CDH13: variants seen among roughly 807,000 people sequenced by gnomAD.
The protein encoded by CDH13 is cadherin-13.
CDH13 carries 24 observed loss-of-function variants against 63.8 expected under a neutral mutation model. That is an observed-to-expected ratio of 0.38 (90% CI 0.27 to 0.53). The LOEUF (loss-of-function observed/expected upper bound fraction) is 0.53, where lower values mean the gene tolerates loss of function less well. Ranked by LOEUF, CDH13 falls within the 20% of genes least tolerant of loss-of-function variation. CDH13 has a pLI of 0.85. For missense variants in CDH13, 1,049 were observed against 903.1 expected, an observed-to-expected ratio of 1.16 and a Z score of -2.07; for synonymous variants, 503 against 355.3, an observed-to-expected ratio of 1.42 and a Z score of -4.67.
At chr16:83,295,984 A>G (rs1250063365) in intron 5 of CDH13, among the ~76,000 whole-genome samples, 1 of 152,192 alleles carries the variant, frequency 6.6e-6, no homozygotes, top group Non-Finnish European at 1.5e-5. Context: ...TTAAAATTGT[A>G]TCTTTATGAG....
intron 1 of CDH13, among the ~76,000 whole-genome samples, chr16:82,745,110 C>G (rs924232996): frequency 1.3e-5 from 2 of 152,168 alleles, no homozygotes; most frequent in African/African-American, 4.8e-5. Flanking sequence ...TCAGAGTCTA[C>G]AAGTTAATCT....
chr16:83,276,126 G>C (rs1278200037), intron 5 of CDH13, among the ~76,000 whole-genome samples: 1 of 152,064 alleles, frequency 6.6e-6, no homozygotes, highest in Non-Finnish European at 1.5e-5. Flanking sequence ...GTTCAAACTC[G>C]CCCCACACTC....
intron 7 of CDH13, among the ~76,000 whole-genome samples, chr16:83,561,915 T>C (rs1325546817): frequency 6.6e-6 from 1 of 152,174 alleles, no homozygotes; most frequent in Non-Finnish European, 1.5e-5. Flanking sequence ...GATTCAGATG[T>C]CCAAAGGATG....
intron 1 of CDH13, among the ~76,000 whole-genome samples, chr16:82,718,943 C>T (rs751831544): frequency 6.6e-6 from 1 of 152,110 alleles, no homozygotes; most frequent in Non-Finnish European, 1.5e-5. Context: ...ACCTGAGAGC[C>T]ATTTGGTGCG....
intron 3 of CDH13, among the ~76,000 whole-genome samples, chr16:83,094,220 C>T (rs978404721): frequency 7.2e-5 from 11 of 152,274 alleles, no homozygotes; most frequent in South Asian, 2.1e-4. Context: ...CTGTGCTGCA[C>T]GTGAAGATAT....
At chr16:83,010,631 A>G (rs1278134908) in intron 2 of CDH13, among the ~76,000 whole-genome samples, 2 of 152,166 alleles carry the variant, frequency 1.3e-5, no homozygotes, top group African/African-American at 2.4e-5. Context: ...ATTTTCAGAA[A>G]TACCTCCTTG....
chr16:83,063,328 C>T (rs1319662392), intron 3 of CDH13, among the ~76,000 whole-genome samples: 1 of 152,072 alleles, frequency 6.6e-6, no homozygotes, highest in African/African-American at 2.4e-5. Flanking sequence ...CTCTTGAGGC[C>T]CAGCCCCAGA....
At chr16:83,160,924 G>C (rs375817297) in intron 4 of CDH13, among the ~76,000 whole-genome samples, 1 of 152,134 alleles carries the variant, frequency 6.6e-6, no homozygotes, top group Non-Finnish European at 1.5e-5. Context: ...TCCGTTACTG[G>C]GACTTGATAC....
intron 6 of CDH13, among the ~76,000 whole-genome samples, chr16:83,415,130 TG>T (rs765194094): frequency 7.3e-5 from 11 of 151,714 alleles, no homozygotes; most frequent in Admixed American, 3.9e-4. Context: ...GAGACCCCTA[TG>T]AACAGTTCCC....
intron 5 of CDH13, among the ~76,000 whole-genome samples, chr16:83,242,134 C>G (rs1372383461): frequency 2.0e-5 from 3 of 152,164 alleles, no homozygotes; most frequent in African/African-American, 4.8e-5. Flanking sequence ...AATAATTCAG[C>G]CATATACATA....
chr16:82,884,474 T>C, intron 2 of CDH13: 1 of 275,084 alleles, frequency 3.6e-6, no homozygotes, highest in South Asian at 4.1e-5. Context: ...AATTTTCAAG[T>C]CCTTGGAGGC....
chr16:83,378,302 C>G (rs1047923863), intron 6 of CDH13, among the ~76,000 whole-genome samples: 2 of 152,178 alleles, frequency 1.3e-5, no homozygotes, highest in African/African-American at 4.8e-5. Context: ...AGAGCTGTAA[C>G]TTACACCTGA....
At chr16:83,487,657 A>G (rs1359425522) in intron 7 of CDH13, among the ~76,000 whole-genome samples, 2 of 152,094 alleles carry the variant, frequency 1.3e-5, no homozygotes, top group Admixed American at 1.3e-4. Flanking sequence ...ACCTGCTACC[A>G]TTCTGGAATT....
chr16:83,212,412 G>C (rs985111905), intron 4 of CDH13, among the ~76,000 whole-genome samples: 6 of 151,996 alleles, frequency 3.9e-5, no homozygotes, highest in Non-Finnish European at 7.4e-5. Flanking sequence ...CCCTGAAGAG[G>C]GACTTTCCCC....
chr16:82,917,892 G>A (rs1298147884), intron 2 of CDH13, among the ~76,000 whole-genome samples: 1 of 143,358 alleles, frequency 7.0e-6, no homozygotes, highest in East Asian at 2.0e-4. Flanking sequence ...TCCAGCCTGG[G>A]CAACAGAGAG....
At chr16:83,629,025 G>C (rs1166336961) in intron 8 of CDH13, among the ~76,000 whole-genome samples, 1 of 152,096 alleles carries the variant, frequency 6.6e-6, no homozygotes, top group Non-Finnish European at 1.5e-5. Flanking sequence ...CATGGTAACT[G>C]GTAATTGCTG....
intron 1 of CDH13, among the ~76,000 whole-genome samples, chr16:82,635,964 G>T (rs1040739542): frequency 6.6e-6 from 1 of 152,044 alleles, no homozygotes; most frequent in African/African-American, 2.4e-5. Context: ...TGCCACGATT[G>T]TAAGTTTCCT....
intron 3 of CDH13, among the ~76,000 whole-genome samples, chr16:83,090,912 G>A (rs1018613925): frequency 1.3e-5 from 2 of 151,680 alleles, no homozygotes; most frequent in Admixed American, 6.6e-5. Flanking sequence ...AGTCATTTGG[G>A]AACCCCCAGC....
intron 7 of CDH13, among the ~76,000 whole-genome samples, chr16:83,513,096 A>G (rs1301334688): frequency 6.6e-6 from 1 of 152,176 alleles, no homozygotes; most frequent in Non-Finnish European, 1.5e-5. Context: ...GCTTGTGAAA[A>G]CAATTCAAGA....
Sources: gnomAD v4.1 joint callset for allele counts (sites outside exome capture counted in the v4.1 genomes callset) on GRCh38, gnomAD v4.1.1 for gene constraint, MANE v1.5 for transcripts, NCBI Gene and HGNC (gene_info 2026-07-23, HGNC 2026-07-21) for gene names.